Variants in DIAPH2 observed in about 807,000 individuals in gnomAD.
The protein encoded by DIAPH2 is diaphanous related formin 2.
DIAPH2 carries 35 observed loss-of-function variants against 92.7 expected under a neutral mutation model. That is an observed-to-expected ratio of 0.38 (90% CI 0.29 to 0.50). The LOEUF is 0.50. Among genes scored for constraint, DIAPH2 ranks in the 20% least tolerant of loss-of-function variants. The pLI, the probability that DIAPH2 is intolerant of heterozygous loss-of-function variation, is 0.94. For synonymous variants in DIAPH2, 301 were observed against 280.4 expected (o/e 1.07, Z -0.73); for missense variants, 701 against 819.5 (o/e 0.86, Z 1.77).
Position 97,181,421 on chromosome X carries a change from G to T in DIAPH2, c.2719+39627G>T, listed in dbSNP as rs769186984. Among the ~76,000 whole-genome samples the T allele has an allele frequency of 1.4e-4, 15 of 110,604 alleles. No homozygotes were observed. In the South Asian group the frequency reaches 1.9e-3, roughly 14 times the overall value. On this transcript the variant is annotated intron_variant, in intron 22 of 26. Coordinates refer to ENST00000324765, the MANE Select transcript of DIAPH2 (RefSeq NM_006729.5). Reference sequence around the variant, plus strand: ...GTGTTGTTGTTGTTGTTGTTGTTTTGTTTCTTTGAGACGGAGTTTTGCTCT... The same window carrying T: ...GTGTTGTTGTTGTTGTTGTTGTTTTTTTTCTTTGAGACGGAGTTTTGCTCT...
intron 22 of DIAPH2, 133 bp downstream of exon 22, chrX:97,141,927 G>C: frequency 1.4e-6 from 1 of 716,174 alleles, no homozygotes; most frequent in Non-Finnish European, 2.0e-6. Flanking sequence ...CAGGAAAATA[G>C]TTTCCATTAG....
In DIAPH2 at chrX:97,029,347, C is replaced by A. The variant is rs12007120; in HGVS notation, c.2051-43594C>A. ...ATTTTTTGTAGAGATAGGGTTTTAC[C>A]ATGTTGCCCAGGCTGGTCTCCAATT... On this transcript the variant is annotated intron_variant, in intron 17 of 26. Transcript: ENST00000324765. Among the ~76,000 whole-genome samples, 589 of 109,439 alleles carry A rather than the reference C, an allele frequency of 5.4e-3. 5 individuals are homozygous for A. Among genetic ancestry groups the A allele is most frequent in the African/African-American group, 0.018 (556 of 30,108 alleles).
At chrX:97,336,243 C>CTTTTTTT (rs1186112131) in intron 23 of DIAPH2, among the ~76,000 whole-genome samples, 4 of 91,743 alleles carry the variant, frequency 4.4e-5, no homozygotes, top group African/African-American at 8.1e-5. Flanking sequence ...CTTTTCTTTT[C>CTTTTTTT]TTTTTTTTTT....
chrX:97,205,238 G>A (rs1217157049), intron 22 of DIAPH2, among the ~76,000 whole-genome samples: 1 of 111,911 alleles, frequency 8.9e-6, no homozygotes, highest in East Asian at 2.8e-4. Context: ...GAAAACCTAA[G>A]CAATACCATT....
intron 23 of DIAPH2, among the ~76,000 whole-genome samples, chrX:97,345,695 C>A (rs1292332533): frequency 2.7e-5 from 3 of 111,919 alleles, no homozygotes; most frequent in Non-Finnish European, 5.6e-5. Context: ...AATTTTACTT[C>A]TGTGATCATT....
At position 96,939,790 on chromosome X, in the gene DIAPH2, G is replaced by A. The variant is rs1235559144; in HGVS notation, c.1325+408G>A. Among the ~76,000 whole-genome samples the A allele has an allele frequency of 1.1e-4, 8 of 74,917 alleles. 1 individual carries two copies. Among genetic ancestry groups the A allele is most frequent in the African/African-American group, 4.1e-4 (7 of 17,006 alleles). The allele number at this position is 74,917 out of a possible 115,157, so 65.1% of individuals were successfully genotyped here. ...CGCCATTCTCCTGCCTCAGCCTCCC[G>A]TGTAGCTGGGACTACAGGCGCGCGC... On this transcript the variant is annotated intron_variant, in intron 12 of 26. Transcript: ENST00000324765.
intron 26 of DIAPH2, among the ~76,000 whole-genome samples, chrX:97,586,258 G>T (rs890539958): frequency 1.4e-4 from 15 of 110,541 alleles, no homozygotes; most frequent in African/African-American, 4.4e-4. Flanking sequence ...TCATCACCTG[G>T]AATGCACCTT....
At chrX:96,794,837 T>C (rs1420288583) in intron 4 of DIAPH2, among the ~76,000 whole-genome samples, 1 of 111,294 alleles carries the variant, frequency 9.0e-6, no homozygotes, top group Non-Finnish European at 1.9e-5. Context: ...CTCCCTGTGA[T>C]GGCTCTAAGA....
chrX:96,771,103 G>T (rs2064335980), intron 4 of DIAPH2, among the ~76,000 whole-genome samples: 1 of 111,674 alleles, frequency 9.0e-6, no homozygotes, highest in African/African-American at 3.2e-5. Flanking sequence ...TTCAATGAAT[G>T]CTGAAATATA....
At chrX:97,005,601 G>A (rs906027187) in intron 17 of DIAPH2, among the ~76,000 whole-genome samples, 1 of 111,030 alleles carries the variant, frequency 9.0e-6, no homozygotes, top group Non-Finnish European at 1.9e-5. Context: ...GTGCAGTGGC[G>A]TGATCTCGGC....
chrX:96,802,869 AGGCCT>A (rs2064594399), intron 4 of DIAPH2, among the ~76,000 whole-genome samples: 1 of 111,789 alleles, frequency 8.9e-6, no homozygotes, highest in African/African-American at 3.3e-5. Flanking sequence ...CTATGGCTGA[AGGCCT>A]GGGGGCTGCT....
At chrX:97,424,413 G>A (rs1057196606) in intron 25 of DIAPH2, among the ~76,000 whole-genome samples, 1 of 110,898 alleles carries the variant, frequency 9.0e-6, no homozygotes, top group East Asian at 2.8e-4. Flanking sequence ...AAAGGACCGC[G>A]GTACATAAAC....
chrX:97,588,854 G>T (rs1225360394), intron 26 of DIAPH2, among the ~76,000 whole-genome samples: 1 of 104,685 alleles, frequency 9.6e-6, no homozygotes, highest in African/African-American at 3.4e-5. Flanking sequence ...AGAGATTATT[G>T]GATCCTATGC....
chrX:96,806,722 C>A, intron 4 of DIAPH2, among the ~76,000 whole-genome samples: 1 of 93,939 alleles, frequency 1.1e-5, no homozygotes, highest in Non-Finnish European at 2.0e-5. Context: ...TGTACTTTTG[C>A]TTTCTGGCTT....
chrX:97,462,178 A>G lies in DIAPH2; in HGVS notation c.3241+32433A>G, dbSNP rs780525251. 2.7e-5 allele frequency among the ~76,000 whole-genome samples: 3 copies of G among 111,948 alleles called. No individual in the cohort carries two copies. The East Asian group carries it at 8.4e-4, about 31-fold the overall frequency. Reference sequence around the variant, plus strand: ...GCCTATAGCTCACATATCCTTTTAAATATTTCTATCTCCTAACATTCGTTA... The same window carrying G: ...GCCTATAGCTCACATATCCTTTTAAGTATTTCTATCTCCTAACATTCGTTA... On this transcript the variant is annotated intron_variant, in intron 26 of 26. Transcript: ENST00000324765.
intron 23 of DIAPH2, among the ~76,000 whole-genome samples, chrX:97,298,812 G>A (rs1332688531): frequency 9.1e-6 from 1 of 109,647 alleles, no homozygotes; most frequent in Admixed American, 9.8e-5. Flanking sequence ...TAGAGACGGG[G>A]TTTCACCGTG....
intron 26 of DIAPH2, among the ~76,000 whole-genome samples, chrX:97,456,583 T>C (rs1004010463): frequency 1.8e-5 from 2 of 111,632 alleles, no homozygotes; most frequent in African/African-American, 3.3e-5. Flanking sequence ...TGATGAGCTC[T>C]ATTTGGCTAT....
intron 26 of DIAPH2, among the ~76,000 whole-genome samples, chrX:97,458,617 T>G (rs2070430868): frequency 9.0e-6 from 1 of 111,660 alleles, no homozygotes; most frequent in Non-Finnish European, 1.9e-5. Context: ...GTTGGTGTTG[T>G]GAGGTTTTAT....
intron 22 of DIAPH2, among the ~76,000 whole-genome samples, chrX:97,199,882 G>C (rs2067733288): frequency 9.0e-6 from 1 of 111,524 alleles, no homozygotes; most frequent in Non-Finnish European, 1.9e-5. Context: ...TTTTAAAAGA[G>C]CTAGACCAAG....
Sources: gnomAD v4.1 joint callset for allele counts (sites outside exome capture counted in the v4.1 genomes callset) on GRCh38, gnomAD v4.1.1 for gene constraint, MANE v1.5 for transcripts, NCBI Gene and HGNC (gene_info 2026-07-23, HGNC 2026-07-21) for gene names.